CAPRIN1: variants seen among roughly 807,000 people sequenced by gnomAD.
CAPRIN1 encodes cell cycle associated protein 1.
Under a neutral mutation model 100.9 loss-of-function variants are expected in CAPRIN1, and 29 were observed. The ratio of observed to expected loss-of-function variants is 0.29; its 90% CI spans 0.21 to 0.39. CAPRIN1 has a LOEUF of 0.39. Among genes scored for constraint, CAPRIN1 ranks in the 10% least tolerant of loss-of-function variants. CAPRIN1 has a pLI of 1.00. For synonymous variants in CAPRIN1, 338 were observed against 307.5 expected, an observed-to-expected ratio of 1.10 and a Z score of -1.04; for missense variants, 795 against 876.7, an observed-to-expected ratio of 0.91 and a Z score of 1.18.
chr11:34,091,704 C>G lies in CAPRIN1; in HGVS notation c.1555-202C>G, dbSNP rs867429606. ...TCCATTTCACAGCATATTATACTCCCCTTTAAGTACTATATGGTATATATG... is the reference window on the plus strand; with the variant it reads ...TCCATTTCACAGCATATTATACTCCGCTTTAAGTACTATATGGTATATATG... On this transcript the variant is annotated intron_variant, in intron 14 of 18. Transcript: ENST00000341394. 9 of 461,796 alleles carry G rather than the reference C, an allele frequency of 1.9e-5. No homozygotes were observed. In the Middle Eastern group the frequency reaches 1.7e-3, roughly 86 times the overall value. 28.6% of individuals were successfully genotyped at this position (461,796 alleles called of 1,614,324 possible).
chr11:34,081,986 A>G (rs764689617), intron 7 of CAPRIN1, among the ~76,000 whole-genome samples: 7 of 150,266 alleles, frequency 4.7e-5, no homozygotes, highest in Admixed American at 4.0e-4. Context: ...TAATTTTTGT[A>G]TTTTTAGTAG....
intron 6 of CAPRIN1, 117 bp from the exon 7 acceptor site, chr11:34,079,511 A>T (rs1485591338): frequency 3.4e-6 from 2 of 595,848 alleles, no homozygotes; most frequent in East Asian, 2.7e-5. Flanking sequence ...TTTTATGTGT[A>T]TATGTGTTTT....
intron 2 of CAPRIN1, among the ~76,000 whole-genome samples, chr11:34,062,541 C>T (rs1246442119): frequency 1.3e-5 from 2 of 148,396 alleles, no homozygotes; most frequent in Admixed American, 1.4e-4. Flanking sequence ...AGGAGAATGG[C>T]GTGAACCTAG....
chr11:34,069,210 C>T (rs1850762932), intron 2 of CAPRIN1, among the ~76,000 whole-genome samples: 3 of 148,164 alleles, frequency 2.0e-5, no homozygotes, highest in Admixed American at 6.8e-5. Flanking sequence ...AGTGCAGTGG[C>T]ATGATCTCAG....
At chr11:34,077,577 G>A (rs1343212906) in intron 6 of CAPRIN1, among the ~76,000 whole-genome samples, 3 of 152,148 alleles carry the variant, frequency 2.0e-5, no homozygotes, top group African/African-American at 7.2e-5. Context: ...AGCCTTCTGT[G>A]AAATCAGGGA....
rs749480789 is a variant in CAPRIN1, at chr11:34,102,106, G to A, written c.*2739G>A. 6.6e-6 allele frequency among the ~76,000 whole-genome samples: 1 copy of A among 152,042 alleles called. No homozygotes were observed. Among genetic ancestry groups the A allele is most frequent in the Non-Finnish European group, 1.5e-5 (1 of 68,008 alleles). ...TCCTTTAAGTATTTCTAATCAGTTA[G>A]CTTCTACAGTTCTTTTGTCTCCTTT... is the stretch of plus-strand genomic sequence containing the variant. On this transcript the variant is annotated 3_prime_UTR_variant, in exon 19 of 19. Coordinates refer to ENST00000341394, the MANE Select transcript of CAPRIN1 (RefSeq NM_005898.5).
chr11:34,097,893 GCT>G, intron 18 of CAPRIN1, 132 bp downstream of exon 18: 1 of 1,448,174 alleles, frequency 6.9e-7, no homozygotes, highest in Middle Eastern at 2.0e-4. Flanking sequence ...TAAATGAAAT[GCT>G]CTGTTTCTAA....
Position 34,090,538 on chromosome 11 carries a change from T to C in CAPRIN1, c.1414T>C (p.Ser472Pro), listed in dbSNP as rs771851760. 1.9e-6 allele frequency: 3 copies of C among 1,611,398 alleles called. No individual in the cohort carries two copies. The highest frequency in any genetic ancestry group is 2.2e-5 in the East Asian group (1 of 44,804). The change falls in exon 14 of 19, where the codon TCT becomes CCT. Residue 472 changes from serine to proline, a missense_variant. Ser to Pro is a moderately conservative substitution (Grantham distance 74, BLOSUM62 -1). This residue lies in a region of CAPRIN1 where 648 missense variants were observed against 697.9 expected (regional missense o/e 0.93). Coordinates refer to ENST00000341394, the MANE Select transcript of CAPRIN1 (RefSeq NM_005898.5). ...EPIDQIQATI[S>P]LNTDQTTASS... ...TTCACTTTGTGTTTAGGCAACAATCTCTTTAAATACAGACCAGACTACAGC... is the reference window on the plus strand; with the variant it reads ...TTCACTTTGTGTTTAGGCAACAATCCCTTTAAATACAGACCAGACTACAGC...
chr11:34,052,307 C>T (rs1850332874), intron 1 of CAPRIN1, 114 bp from the exon 2 acceptor site: 6 of 898,340 alleles, frequency 6.7e-6, no homozygotes, highest in Admixed American at 2.7e-5. Flanking sequence ...CCCACCCGCT[C>T]GCGTAGGCTA....
At chr11:34,089,549 T>C (rs1172193347) in intron 12 of CAPRIN1, 93 bp downstream of exon 12, 4 of 703,510 alleles carry the variant, frequency 5.7e-6, no homozygotes. Flanking sequence ...GGAGGATCAC[T>C]TGAGGTCAGG....
At chr11:34,056,281 G>A (rs1270348773) in intron 2 of CAPRIN1, among the ~76,000 whole-genome samples, 1 of 151,054 alleles carries the variant, frequency 6.6e-6, no homozygotes, top group Admixed American at 6.6e-5. Flanking sequence ...AATGACTATG[G>A]ATATGTAGTA....
rs1264678242 is a variant in CAPRIN1, at chr11:34,090,737, C to T, written c.1554+59C>T. On this transcript the variant is annotated intron_variant, in intron 14 of 18. Coordinates refer to ENST00000341394, the MANE Select transcript of CAPRIN1 (RefSeq NM_005898.5). ...TGTAATATGAATCATGGTAGATTTTCTTTTCTTTTTTAAAGGTCTTCATTT... is the reference window on the plus strand; with the variant it reads ...TGTAATATGAATCATGGTAGATTTTTTTTTCTTTTTTAAAGGTCTTCATTT... The T allele has an allele frequency of 3.9e-6, 6 of 1,520,694 alleles. No individual in the cohort carries two copies. The Admixed American group carries it at 1.0e-4, about 27-fold the overall frequency. 94.2% of individuals were successfully genotyped at this position (1,520,694 alleles called of 1,614,324 possible).
chr11:34,097,331 T>C, intron 17 of CAPRIN1, 35 bp downstream of exon 17: 2 of 1,435,050 alleles, frequency 1.4e-6, no homozygotes, highest in Non-Finnish European at 2.0e-6. Flanking sequence ...AAACCTGAAC[T>C]AAATATACCA....
At chr11:34,067,809 G>C (rs1228241111) in intron 2 of CAPRIN1, among the ~76,000 whole-genome samples, 1 of 152,110 alleles carries the variant, frequency 6.6e-6, no homozygotes, top group Non-Finnish European at 1.5e-5. Flanking sequence ...ATAATGTGTA[G>C]ATCTTTATTT....
At chr11:34,058,470 T>A (rs1007760276) in intron 2 of CAPRIN1, among the ~76,000 whole-genome samples, 35 of 152,206 alleles carry the variant, frequency 2.3e-4, no homozygotes, top group Middle Eastern at 3.2e-3. Flanking sequence ...TAATTAGAAT[T>A]TGTAATGTTC....
chr11:34,092,881 C>A (rs114387347), intron 15 of CAPRIN1, among the ~76,000 whole-genome samples: 130 of 152,268 alleles, frequency 8.5e-4, no homozygotes, highest in African/African-American at 3.0e-3. Flanking sequence ...GAGACAGGTT[C>A]TCACTTTGTT....
At chr11:34,082,035 C>T (rs796094333) in intron 7 of CAPRIN1, among the ~76,000 whole-genome samples, 27 of 152,260 alleles carry the variant, frequency 1.8e-4, no homozygotes, top group African/African-American at 6.3e-4. Flanking sequence ...TGGTCTCAAG[C>T]TCCTGACCTC....
intron 4 of CAPRIN1, among the ~76,000 whole-genome samples, chr11:34,073,744 A>C (rs1021898623): frequency 6.6e-6 from 1 of 152,154 alleles, no homozygotes; most frequent in Admixed American, 6.5e-5. Context: ...TAATCTTAGA[A>C]TTACTTATTA....
chr11:34,090,584 C>T lies in CAPRIN1; in HGVS notation c.1460C>T (p.Ala487Val), dbSNP rs527850991. ...ACAGCATCATCATCCCTTCCTGCTG[C>T]GTCTCAGCCTCAAGTATTTCAGGCT... ...QTTASSSLPAASQPQVFQAGT... is the reference protein window; with the variant it reads ...QTTASSSLPAVSQPQVFQAGT... The change falls in exon 14 of 19, where the codon GCG (alanine) becomes GTG (valine). Residue 487 changes from alanine to valine, a missense_variant. By Grantham distance (64) the Ala-to-Val change is moderately conservative. Around this residue, in one of 3 missense-constraint regions of CAPRIN1, gnomAD observed 648 missense variants for 697.9 expected, o/e 0.93. Transcript: ENST00000341394. 2.6e-5 allele frequency: 42 copies of T among 1,614,012 alleles called. No individual in the cohort carries two copies. The East Asian group carries it at 3.3e-4, about 13-fold the overall frequency.
Sources: allele counts gnomAD v4.1 joint callset (sites outside exome capture counted in the v4.1 genomes callset), GRCh38; gene constraint gnomAD v4.1.1; regional missense constraint gnomAD v4.1.1; transcripts MANE v1.5; gene names NCBI Gene and HGNC (gene_info 2026-07-23, HGNC 2026-07-21).